The following LYN variants were observed in gnomAD, a reference collection of about 807,000 sequenced individuals.
LYN encodes tyrosine-protein kinase Lyn.
A neutral mutation model predicts 65.0 loss-of-function variants in LYN; 12 were observed. The observed-to-expected ratio is 0.18, with a 90% CI of 0.12 to 0.30. The LOEUF (loss-of-function observed/expected upper bound fraction) is 0.30, where lower values mean the gene tolerates loss of function less well. Among genes scored for constraint, LYN ranks in the 10% least tolerant of loss-of-function variants. LYN has a pLI of 1.00. For missense variants in LYN, 380 were observed against 623.2 expected (o/e 0.61, Z 4.16); for synonymous variants, 222 against 221.2 (o/e 1.00, Z -0.03).
At chr8:55,975,714 A>G (rs1274192178) in intron 10 of LYN, among the ~76,000 whole-genome samples, 1 of 151,824 alleles carries the variant, frequency 6.6e-6, no homozygotes, top group Non-Finnish European at 1.5e-5. Context: ...TACTGTCAGA[A>G]TTGCAAAAGT....
intron 10 of LYN, among the ~76,000 whole-genome samples, 192 bp downstream of exon 10, chr8:55,969,985 C>T (rs1235725766): frequency 2.0e-5 from 3 of 152,158 alleles, no homozygotes; most frequent in Non-Finnish European, 4.4e-5. Flanking sequence ...ATTGTGTGTA[C>T]GTGTTGAGTT....
At chr8:55,936,032 G>T (rs1450753653) in intron 1 of LYN, among the ~76,000 whole-genome samples, 1 of 152,114 alleles carries the variant, frequency 6.6e-6, no homozygotes, top group East Asian at 1.9e-4. Flanking sequence ...AAAGTAAGAA[G>T]GACAATTAAA....
At chr8:56,007,447 G>T (rs1720458643) in intron 12 of LYN, among the ~76,000 whole-genome samples, 1 of 152,232 alleles carries the variant, frequency 6.6e-6, no homozygotes, top group Admixed American at 6.5e-5. Flanking sequence ...GAAAATTCTA[G>T]TCACACAAAT....
intron 2 of LYN, among the ~76,000 whole-genome samples, chr8:55,945,682 A>G (rs929174118): frequency 2.0e-5 from 3 of 152,216 alleles, no homozygotes; most frequent in African/African-American, 7.2e-5. Flanking sequence ...TTGATTTTAA[A>G]GGTAATTGAG....
At chr8:56,008,600 C>A (rs1055008646) in intron 12 of LYN, among the ~76,000 whole-genome samples, 1 of 152,124 alleles carries the variant, frequency 6.6e-6, no homozygotes, top group African/African-American at 2.4e-5. Context: ...TTATAATGAT[C>A]TTTTTTACCC....
chr8:55,996,587 TTTCC>T (rs1324143379), intron 10 of LYN, among the ~76,000 whole-genome samples: 6 of 152,050 alleles, frequency 3.9e-5, no homozygotes, highest in African/African-American at 7.2e-5. Flanking sequence ...TCTCTCCTTG[TTTCC>T]TTCCTTCCTT....
At chr8:55,888,378 T>G (rs1164279974) in intron 1 of LYN, among the ~76,000 whole-genome samples, 1 of 152,178 alleles carries the variant, frequency 6.6e-6, no homozygotes, top group Non-Finnish European at 1.5e-5. Flanking sequence ...TAATACTAAA[T>G]GTTGGACTTC....
chr8:55,953,005 G>A (rs1806995320), intron 7 of LYN, among the ~76,000 whole-genome samples: 1 of 152,206 alleles, frequency 6.6e-6, no homozygotes, highest in Non-Finnish European at 1.5e-5. Context: ...GCTCGAAGGG[G>A]ATGCACATTA....
rs556427773 is a variant in LYN, at chr8:55,890,569, T to A, written c.-6+10466T>A. The stretch of plus-strand genomic sequence containing the variant: ...ATAGAATTGCCATATGATGCAGCAA[T>A]GCTGCTTCTGGGTATATACCCCAAA... On this transcript the variant is annotated intron_variant, in intron 1 of 12. Transcript: ENST00000519728. Among the ~76,000 whole-genome samples the A allele has an allele frequency of 1.1e-4, 16 of 152,324 alleles. No individual in the cohort carries two copies. In the East Asian group the frequency reaches 2.7e-3, roughly 26 times the overall value.
intron 12 of LYN, among the ~76,000 whole-genome samples, chr8:56,001,447 C>T (rs1377294481): frequency 6.6e-6 from 1 of 152,088 alleles, no homozygotes; most frequent in Non-Finnish European, 1.5e-5. Flanking sequence ...TGCGTGCTCC[C>T]ATCACTACTG....
chr8:56,010,467 A>G lies in LYN; in HGVS notation c.*357A>G, dbSNP rs1047172270. 1.6e-5 allele frequency: 5 copies of G among 306,004 alleles called. No homozygotes were observed. Among genetic ancestry groups the G allele is most frequent in the Non-Finnish European group, 3.1e-5 (5 of 160,534 alleles). The allele number at this position is 306,004 out of a possible 1,614,324, so 19.0% of individuals were successfully genotyped here. A position where few individuals can be genotyped will look rare whatever the true frequency, so the allele number is the denominator to read the frequency against. On this transcript the variant is annotated 3_prime_UTR_variant, in exon 13 of 13. Transcript: ENST00000519728. The stretch of plus-strand genomic sequence containing the variant: ...CATAGGACTCAAAGTTTCAGAGACC[A>G]TTGCAATGAATCCCCAATAATTGCA...
At chr8:55,884,191 C>T (rs1007153020) in intron 1 of LYN, among the ~76,000 whole-genome samples, 2 of 152,182 alleles carry the variant, frequency 1.3e-5, no homozygotes, top group Admixed American at 6.5e-5. Flanking sequence ...TCTCCGCCTC[C>T]TGGGTTCAAG....
At chr8:55,963,695 C>T (rs1007154848) in intron 8 of LYN, among the ~76,000 whole-genome samples, 3 of 152,220 alleles carry the variant, frequency 2.0e-5, no homozygotes, top group Admixed American at 6.5e-5. Context: ...GTGTTTATTA[C>T]TCATATGAAT....
At chr8:55,912,167 T>C in intron 1 of LYN, among the ~76,000 whole-genome samples, 1 of 152,126 alleles carries the variant, frequency 6.6e-6, no homozygotes, top group East Asian at 1.9e-4. Flanking sequence ...TAAAAATAAA[T>C]GTACTCCAAA....
chr8:55,996,487 G>A (rs1271561044), intron 10 of LYN, among the ~76,000 whole-genome samples: 1 of 152,158 alleles, frequency 6.6e-6, no homozygotes, highest in Non-Finnish European at 1.5e-5. Flanking sequence ...TCGAATCAGA[G>A]TTTTCTCTAA....
chr8:55,937,923 C>T (rs952074671), intron 1 of LYN, among the ~76,000 whole-genome samples: 1 of 152,184 alleles, frequency 6.6e-6, no homozygotes, highest in African/African-American at 2.4e-5. Flanking sequence ...TCTCGAACCC[C>T]TGACCTCAGA....
chr8:55,940,623 C>T (rs1013174896), intron 1 of LYN, among the ~76,000 whole-genome samples: 2 of 152,202 alleles, frequency 1.3e-5, no homozygotes, highest in Admixed American at 1.3e-4. Flanking sequence ...ATCCGCCTTC[C>T]TTGGCTTCAC....
chr8:55,988,798 C>T (rs540462294), intron 10 of LYN, among the ~76,000 whole-genome samples: 1 of 152,082 alleles, frequency 6.6e-6, no homozygotes, highest in South Asian at 2.1e-4. Context: ...TGAGAGATCA[C>T]ATTCAGCCCC....
At chr8:56,008,752 G>A (rs75156240) in intron 12 of LYN, among the ~76,000 whole-genome samples, 1,735 of 152,250 alleles carry the variant, frequency 0.011, 36 homozygotes, top group African/African-American at 0.04. Flanking sequence ...TTCTCTCCTG[G>A]AGGTCAGGAA....
Sources: allele counts gnomAD v4.1 joint callset (sites outside exome capture counted in the v4.1 genomes callset), GRCh38; gene constraint gnomAD v4.1.1; transcripts MANE v1.5; gene names NCBI Gene and HGNC (gene_info 2026-07-23, HGNC 2026-07-21).